SLC30A8: variants seen among roughly 807,000 people sequenced by gnomAD.
SLC30A8 encodes solute carrier family 30 member 8.
A neutral mutation model predicts 36.9 loss-of-function variants in SLC30A8; 27 were observed. The ratio of observed to expected loss-of-function variants is 0.73; its 90% CI spans 0.54 to 1.01. The LOEUF (loss-of-function observed/expected upper bound fraction) is 1.01. Among genes scored for constraint, SLC30A8 ranks in the 50% least tolerant of loss-of-function variants. SLC30A8 has a pLI of 0.00. For missense variants in SLC30A8, 439 were observed against 452.0 expected (o/e 0.97, Z 0.26); for synonymous variants, 164 against 172.4 (o/e 0.95, Z 0.38).
intron 2 of SLC30A8, among the ~76,000 whole-genome samples, chr8:117,068,007 T>C (rs1268301961): frequency 6.6e-6 from 1 of 152,242 alleles, no homozygotes; most frequent in Non-Finnish European, 1.5e-5. Context: ...ATCTTGGACC[T>C]TGAAAGACTT....
rs1162569813 is a variant in SLC30A8, at chr8:117,175,530, G to A, written c.*2849G>A. On this transcript the variant is annotated 3_prime_UTR_variant, in exon 8 of 8. Transcript: ENST00000456015. Reference sequence around the variant, plus strand: ...TGAATCTTAGCTCTTCCCTTTATTAGCTCTGTGACCTCGAGCTAGTTACTT... The same window carrying A: ...TGAATCTTAGCTCTTCCCTTTATTAACTCTGTGACCTCGAGCTAGTTACTT... 1.3e-5 allele frequency: 2 copies of A among 152,032 alleles called. No homozygotes were observed. Among genetic ancestry groups the A allele is most frequent in the Non-Finnish European group, 2.9e-5 (2 of 67,976 alleles). 9.4% of individuals were successfully genotyped at this position (152,032 alleles called of 1,614,324 possible).
chr8:116,951,326 G>T (rs539797359), intron 1 of SLC30A8, among the ~76,000 whole-genome samples: 1 of 152,308 alleles, frequency 6.6e-6, no homozygotes, highest in Admixed American at 6.5e-5. Context: ...TTTATTTAAA[G>T]TGTGCTTAGT....
intron 5 of SLC30A8, among the ~76,000 whole-genome samples, chr8:117,163,106 C>G (rs1005583929): frequency 6.6e-6 from 1 of 152,228 alleles, no homozygotes; most frequent in Non-Finnish European, 1.5e-5. Context: ...ATCACATACT[C>G]TGTACTTTTA....
At chr8:117,109,138 C>T (rs894297112) in intron 2 of SLC30A8, among the ~76,000 whole-genome samples, 4 of 152,148 alleles carry the variant, frequency 2.6e-5, no homozygotes, top group South Asian at 2.1e-4. Flanking sequence ...GGACCAATCA[C>T]AGTGGCCAGA....
Position 117,163,457 on chromosome 8 carries a change from A to T in SLC30A8, c.756A>T (p.Thr252=), listed in dbSNP as rs756597201. ...ATAAAATAGCCGACCCAATCTGCAC[A>T]TTCATCTTTTCCATCCTGGTCTTGG... ...PEYKIADPIC[T]FIFSILVLAS... is the part of the protein sequence containing the mutation. Residue 252 remains threonine, a synonymous_variant, in exon 6 of 8, where the codon ACA becomes ACT. Transcript: ENST00000456015. 6.2e-7 allele frequency: 1 copy of T among 1,613,592 alleles called. No homozygotes were observed. Among genetic ancestry groups the T allele is most frequent in the East Asian group, 2.2e-5 (1 of 44,816 alleles).
chr8:117,153,810 C>T (rs1822327419), intron 3 of SLC30A8, among the ~76,000 whole-genome samples: 1 of 151,742 alleles, frequency 6.6e-6, no homozygotes, highest in Admixed American at 6.6e-5. Flanking sequence ...CAAACACGTG[C>T]TGAAACATGT....
At chr8:117,062,083 A>C (rs115919182) in intron 2 of SLC30A8, among the ~76,000 whole-genome samples, 70 of 152,308 alleles carry the variant, frequency 4.6e-4, no homozygotes, top group African/African-American at 1.5e-3. Context: ...AGCAGGGGAT[A>C]GACTTGGAAG....
At chr8:117,090,663 C>T (rs1229372245) in intron 2 of SLC30A8, among the ~76,000 whole-genome samples, 1 of 152,146 alleles carries the variant, frequency 6.6e-6, no homozygotes, top group Non-Finnish European at 1.5e-5. Flanking sequence ...GGCTTCACCT[C>T]CTAATCCCAT....
At chr8:117,076,624 G>C (rs1403016880) in intron 2 of SLC30A8, among the ~76,000 whole-genome samples, 1 of 152,122 alleles carries the variant, frequency 6.6e-6, no homozygotes, top group East Asian at 1.9e-4. Context: ...CTTTCTCCAA[G>C]ACACACCTAT....
chr8:117,089,075 A>G (rs1247156604), intron 2 of SLC30A8, among the ~76,000 whole-genome samples: 1 of 152,164 alleles, frequency 6.6e-6, no homozygotes. Flanking sequence ...GGTTTCTGTG[A>G]CATTACACTC....
chr8:117,077,348 G>GA (rs1326401123), intron 2 of SLC30A8, among the ~76,000 whole-genome samples: 4 of 152,112 alleles, frequency 2.6e-5, no homozygotes, highest in African/African-American at 4.8e-5. Flanking sequence ...CTAAAAAGAA[G>GA]AAAAAAATAT....
intron 2 of SLC30A8, among the ~76,000 whole-genome samples, chr8:117,152,034 G>A (rs549390568): frequency 8.5e-5 from 13 of 152,144 alleles, no homozygotes; most frequent in African/African-American, 2.7e-4. Context: ...AAAATTAGGC[G>A]AGACAAGGTG....
chr8:116,974,328 TAAAC>T (rs1157942746), intron 1 of SLC30A8, among the ~76,000 whole-genome samples: 3 of 152,030 alleles, frequency 2.0e-5, no homozygotes, highest in Admixed American at 1.3e-4. Context: ...ACAAAGAACT[TAAAC>T]AAATTTACAA....
intron 2 of SLC30A8, among the ~76,000 whole-genome samples, chr8:117,067,539 C>A (rs564260447): frequency 3.9e-5 from 6 of 152,090 alleles, no homozygotes; most frequent in African/African-American, 1.4e-4. Context: ...TCAAGTTTAA[C>A]GAGAATCCAT....
At chr8:117,066,570 G>A (rs1017176669) in intron 2 of SLC30A8, among the ~76,000 whole-genome samples, 13 of 152,088 alleles carry the variant, frequency 8.5e-5, no homozygotes, top group Admixed American at 3.9e-4. Flanking sequence ...ACTCCTACTG[G>A]CTTTGGTGAG....
intron 1 of SLC30A8, among the ~76,000 whole-genome samples, chr8:117,023,888 C>A (rs1816790910): frequency 1.3e-5 from 2 of 152,094 alleles, no homozygotes; most frequent in Non-Finnish European, 2.9e-5. Context: ...ATCACCCTAA[C>A]TAACTTGAAA....
intron 1 of SLC30A8, among the ~76,000 whole-genome samples, chr8:116,974,310 C>T (rs1197186712): frequency 2.0e-5 from 3 of 152,216 alleles, no homozygotes; most frequent in Admixed American, 6.5e-5. Flanking sequence ...GGCTAATATC[C>T]GGAATCTACA....
intron 2 of SLC30A8, among the ~76,000 whole-genome samples, chr8:117,040,888 A>C (rs541648725): frequency 6.6e-6 from 1 of 152,316 alleles, no homozygotes; most frequent in South Asian, 2.1e-4. Flanking sequence ...ATCTACATTT[A>C]GCAAGACCCC....
At chr8:117,094,911 A>G (rs1819293094) in intron 2 of SLC30A8, among the ~76,000 whole-genome samples, 1 of 152,208 alleles carries the variant, frequency 6.6e-6, no homozygotes, top group African/African-American at 2.4e-5. Flanking sequence ...GGGGGCTGGC[A>G]TAGCAGTGCT....
Sources: allele counts gnomAD v4.1 joint callset (sites outside exome capture counted in the v4.1 genomes callset), GRCh38; gene constraint gnomAD v4.1.1; transcripts MANE v1.5; gene names NCBI Gene and HGNC (gene_info 2026-07-23, HGNC 2026-07-21).